The following SULF2 variants were observed in gnomAD, a reference collection of about 807,000 sequenced individuals.
SULF2 encodes the protein sulfatase 2.
In SULF2, 52 loss-of-function variants were observed where a neutral mutation model predicts 107.7. The ratio of observed to expected loss-of-function variants is 0.48; its 90% CI spans 0.39 to 0.61. The LOEUF is 0.61. Among genes scored for constraint, SULF2 ranks in the 20% least tolerant of loss-of-function variants. The pLI is 0.00. For synonymous variants in SULF2, 460 were observed against 464.3 expected (o/e 0.99, Z 0.12); for missense variants, 993 against 1,177.3 (o/e 0.84, Z 2.29).
chr20:47,782,773 C>T (rs906958660), intron 1 of SULF2, among the ~76,000 whole-genome samples: 6 of 151,918 alleles, frequency 3.9e-5, no homozygotes, highest in African/African-American at 1.5e-4. Flanking sequence ...ACCAGGCAGA[C>T]ACATGTTTTC....
intron 10 of SULF2, among the ~76,000 whole-genome samples, chr20:47,672,860 G>C (rs1254959288): frequency 6.6e-6 from 1 of 152,142 alleles, no homozygotes; most frequent in Non-Finnish European, 1.5e-5. Context: ...TCCCCTGTGG[G>C]CTGCTGCCCC....
chr20:47,687,011 A>G (rs2088027180), intron 5 of SULF2, among the ~76,000 whole-genome samples: 1 of 152,192 alleles, frequency 6.6e-6, no homozygotes. Flanking sequence ...TGGGGGCAGC[A>G]GTCGGACAGA....
intron 3 of SULF2, among the ~76,000 whole-genome samples, chr20:47,718,637 G>C (rs1039819943): frequency 6.6e-6 from 1 of 152,154 alleles, no homozygotes; most frequent in African/African-American, 2.4e-5. Flanking sequence ...TTTAAAGGTG[G>C]AACCAATGGG....
chr20:47,764,424 G>A (rs1250510519), intron 1 of SULF2, among the ~76,000 whole-genome samples: 2 of 152,170 alleles, frequency 1.3e-5, no homozygotes, highest in Non-Finnish European at 2.9e-5. Flanking sequence ...GTGCTTTGAG[G>A]CCACAAGTGC....
chr20:47,776,578 T>G (rs2090729322), intron 1 of SULF2, among the ~76,000 whole-genome samples: 1 of 152,096 alleles, frequency 6.6e-6, no homozygotes, highest in Admixed American at 6.5e-5. Flanking sequence ...GAAGGGACAA[T>G]TTAGGGAAGG....
At chr20:47,780,972 T>C (rs4810689) in intron 1 of SULF2, among the ~76,000 whole-genome samples, 51,635 of 152,138 alleles carry the variant, frequency 0.34, 9,004 homozygotes, top group South Asian at 0.43. Context: ...ACATGACATA[T>C]TGGTCATGCC....
chr20:47,720,548 CTTT>C (rs11303096), intron 3 of SULF2, among the ~76,000 whole-genome samples: 9 of 143,360 alleles, frequency 6.3e-5, no homozygotes, highest in South Asian at 2.2e-4. Context: ...CTATCATAAT[CTTT>C]TTTTTTTTTT....
intron 3 of SULF2, among the ~76,000 whole-genome samples, chr20:47,725,699 T>C (rs932738252): frequency 1.3e-5 from 2 of 152,184 alleles, no homozygotes; most frequent in African/African-American, 2.4e-5. Context: ...CAGTCCACAG[T>C]TGAAATCTGG....
chr20:47,741,940 C>T (rs145221475), intron 2 of SULF2, among the ~76,000 whole-genome samples: 2 of 152,320 alleles, frequency 1.3e-5, no homozygotes, highest in Non-Finnish European at 2.9e-5. Flanking sequence ...TCCAGGGTCT[C>T]GAAATGCTTA....
rs1474914005 is a variant in SULF2 at position 47,677,138 on chromosome 20, G to A, written c.1194-4C>T. ...CATCTTCTTTTTCAAGTGAAACCTG[G>A]AAAAAAGCACGGCTCCTGCTTCTCA... On this transcript the variant is annotated splice_region_variant and splice_polypyrimidine_tract_variant and intron_variant, in intron 8 of 20. Transcript: ENST00000688720. 1.9e-6 allele frequency: 3 copies of A among 1,613,432 alleles called. No individual in the cohort carries two copies. In the Admixed American group the frequency reaches 5.0e-5, roughly 27 times the overall value.
rs143750654 is a variant in SULF2 at position 47,782,951 on chromosome 20, G to A, written c.-101+2392C>T. Among the ~76,000 whole-genome samples, 521 of 152,278 alleles carry A rather than the reference G, an allele frequency of 3.4e-3. 4 individuals carry two copies. Among genetic ancestry groups the A allele is most frequent in the African/African-American group, 0.012 (499 of 41,566 alleles). On this transcript the variant is annotated intron_variant, in intron 1 of 20. Transcript: ENST00000688720. ...TGGGACAAAGGCCAAGGTCATGGAG[G>A]AGAGTCCAGTGGTTCCAAGTGGACC...
At chr20:47,671,559 C>T (rs1025242598) in intron 11 of SULF2, among the ~76,000 whole-genome samples, 3 of 151,932 alleles carry the variant, frequency 2.0e-5, no homozygotes, top group African/African-American at 7.3e-5. Context: ...CAGGTGTGAG[C>T]CACCGCGCCC....
At chr20:47,728,623 G>A (rs1024480526) in intron 3 of SULF2, among the ~76,000 whole-genome samples, 5 of 151,932 alleles carry the variant, frequency 3.3e-5, no homozygotes, top group East Asian at 3.9e-4. Flanking sequence ...AACAGAGGCC[G>A]CTGCTTCCAG....
intron 3 of SULF2, among the ~76,000 whole-genome samples, chr20:47,731,210 T>TTTG (rs1491437167): frequency 2.2e-5 from 3 of 135,760 alleles, no homozygotes; most frequent in African/African-American, 6.2e-5. Context: ...TTTTTTTTTT[T>TTTG]GAGACAGAGT....
At chr20:47,677,222 G>A in intron 8 of SULF2, 88 bp from the exon 9 acceptor site, 2 of 1,445,444 alleles carry the variant, frequency 1.4e-6, no homozygotes, top group East Asian at 5.2e-5. Context: ...GGCACCAGGA[G>A]TCAGCCTTGG....
chr20:47,751,400 G>A (rs1031574057), intron 2 of SULF2, among the ~76,000 whole-genome samples: 1 of 152,236 alleles, frequency 6.6e-6, no homozygotes, highest in African/African-American at 2.4e-5. Flanking sequence ...CAACCACTGT[G>A]TTCCATTCCC....
At chr20:47,764,729 C>T (rs893092048) in intron 1 of SULF2, among the ~76,000 whole-genome samples, 2 of 152,052 alleles carry the variant, frequency 1.3e-5, no homozygotes, top group Non-Finnish European at 2.9e-5. Context: ...GGTACAGACT[C>T]AAAAAAGTGC....
chr20:47,717,991 G>C (rs1339740446), intron 3 of SULF2, among the ~76,000 whole-genome samples: 2 of 151,948 alleles, frequency 1.3e-5, no homozygotes, highest in African/African-American at 4.8e-5. Context: ...CTAATTTTTT[G>C]TATTTTTAGT....
At position 47,678,967 on chromosome 20, in the gene SULF2, G is replaced by T. The variant is rs1207235012; in HGVS notation, c.1065-163C>A. On this transcript the variant is annotated intron_variant, in intron 7 of 20. Transcript: ENST00000688720. This position sits in a 1 kb window ranked among gnomAD's most constrained non-coding sequence, Gnocchi z 4.5. Reference sequence around the variant, plus strand: ...CTCAACCTCAGCAGCTCCCCTCTGCGGCCCAGATTCAGCTGAACCCCCACT... The same window carrying T: ...CTCAACCTCAGCAGCTCCCCTCTGCTGCCCAGATTCAGCTGAACCCCCACT... Among the ~76,000 whole-genome samples the T allele has an allele frequency of 6.6e-6, 1 of 151,800 alleles. No homozygotes were observed. The highest frequency in any genetic ancestry group is 2.1e-4 in the South Asian group (1 of 4,800).
Sources: allele counts gnomAD v4.1 joint callset (sites outside exome capture counted in the v4.1 genomes callset), GRCh38; gene constraint gnomAD v4.1.1; non-coding constraint Gnocchi (gnomAD v3.1); transcripts MANE v1.5; gene names NCBI Gene and HGNC (gene_info 2026-07-23, HGNC 2026-07-21).